The following COL23A1 variants were observed in gnomAD, a reference collection of about 807,000 sequenced individuals.
The protein encoded by COL23A1 is collagen alpha-1(XXIII) chain.
A neutral mutation model predicts 99.3 loss-of-function variants in COL23A1; 97 were observed. The observed-to-expected ratio is 0.98, with a 90% CI of 0.83 to 1.16. The LOEUF is 1.16. Among genes scored for constraint, COL23A1 ranks in the 50% most tolerant of loss-of-function variants. COL23A1 has a pLI of 0.00. For synonymous variants in COL23A1, 320 were observed against 308.2 expected, an observed-to-expected ratio of 1.04 and a Z score of -0.40; for missense variants, 762 against 757.4, an observed-to-expected ratio of 1.01 and a Z score of -0.07.
intron 2 of COL23A1, among the ~76,000 whole-genome samples, chr5:178,518,406 G>T (rs1156911121): frequency 6.6e-6 from 1 of 150,874 alleles, no homozygotes; most frequent in Admixed American, 6.7e-5. Flanking sequence ...TCAATGAGCT[G>T]TTGGGCACAC....
At chr5:178,527,844 T>G (rs1308331225) in intron 2 of COL23A1, among the ~76,000 whole-genome samples, 2 of 152,214 alleles carry the variant, frequency 1.3e-5, no homozygotes, top group Admixed American at 1.3e-4. Flanking sequence ...AGCGTCTTGT[T>G]CCTCAGATAC....
intron 2 of COL23A1, among the ~76,000 whole-genome samples, chr5:178,333,833 C>T (rs1367638060): frequency 2.0e-5 from 3 of 152,238 alleles, no homozygotes; most frequent in African/African-American, 4.8e-5. Flanking sequence ...GAACGCAGCA[C>T]GGGGAAGGCT....
At chr5:178,587,379 A>G (rs1171407512) in intron 1 of COL23A1, among the ~76,000 whole-genome samples, 1 of 152,216 alleles carries the variant, frequency 6.6e-6, no homozygotes, top group African/African-American at 2.4e-5. Context: ...AGCCGGTCCC[A>G]GAAAAAGTTA....
At chr5:178,431,397 C>T (rs1398504995) in intron 2 of COL23A1, among the ~76,000 whole-genome samples, 5 of 152,216 alleles carry the variant, frequency 3.3e-5, no homozygotes, top group Admixed American at 6.5e-5. Context: ...TAGTGGCTCC[C>T]CACAGATAGC....
At position 178,544,894 on chromosome 5, in the gene COL23A1, C is replaced by G. The variant is rs1012693797; in HGVS notation, c.361+15788G>C. Among the ~76,000 whole-genome samples the G allele has an allele frequency of 3.9e-5, 6 of 152,084 alleles. No individual in the cohort carries two copies. The highest frequency in any genetic ancestry group is 1.4e-4 in the African/African-American group (6 of 41,410). ...AGGCCAGGCTGAGCAACACAGCAAA[C>G]CCCGTCTCTAGAACAACAACAACAA... On this transcript the variant is annotated intron_variant, in intron 2 of 28. Coordinates refer to ENST00000390654, the MANE Select transcript of COL23A1 (RefSeq NM_173465.4). This position sits in a 1 kb window ranked among gnomAD's most constrained non-coding sequence, Gnocchi z 4.4.
chr5:178,559,082 G>A (rs566653580), intron 2 of COL23A1, among the ~76,000 whole-genome samples: 2 of 152,314 alleles, frequency 1.3e-5, no homozygotes, highest in African/African-American at 2.4e-5. Flanking sequence ...GGGCCACCGC[G>A]CCCGGCCACA....
At chr5:178,404,128 C>T (rs934604297) in intron 2 of COL23A1, among the ~76,000 whole-genome samples, 36 of 152,344 alleles carry the variant, frequency 2.4e-4, no homozygotes, top group South Asian at 1.7e-3. Context: ...AACCGGAAGA[C>T]GGCAGCCATT....
chr5:178,471,927 A>G (rs1272436499), intron 2 of COL23A1, among the ~76,000 whole-genome samples: 1 of 152,072 alleles, frequency 6.6e-6, no homozygotes, highest in East Asian at 1.9e-4. Context: ...GTGCTGTCGA[A>G]TCGTCAGTAA....
intron 2 of COL23A1, among the ~76,000 whole-genome samples, chr5:178,552,709 A>G (rs1311945315): frequency 1.8e-5 from 1 of 54,428 alleles, no homozygotes; most frequent in South Asian, 6.2e-4. Context: ...AAAAAATTAA[A>G]AAAAAAAAAA....
intron 2 of COL23A1, among the ~76,000 whole-genome samples, chr5:178,327,654 A>T (rs1759766519): frequency 6.6e-6 from 1 of 152,128 alleles, no homozygotes; most frequent in Non-Finnish European, 1.5e-5. Flanking sequence ...AGCAGAGCCC[A>T]CGTGCTGGAG....
chr5:178,247,117 A>G (rs1327156848), intron 22 of COL23A1, among the ~76,000 whole-genome samples: 1 of 151,194 alleles, frequency 6.6e-6, no homozygotes, highest in Non-Finnish European at 1.5e-5. Context: ...AATATACACC[A>G]AGCCCAAGAC....
intron 2 of COL23A1, among the ~76,000 whole-genome samples, chr5:178,372,711 C>A (rs1329279060): frequency 1.3e-5 from 2 of 151,552 alleles, no homozygotes; most frequent in Non-Finnish European, 2.9e-5. Context: ...TAGCTGGGAC[C>A]ACAGGCACCC....
Position 178,423,683 on chromosome 5 carries a change from A to G in COL23A1, c.362-116764T>C, listed in dbSNP as rs189900337. ...CTGGCACGTCCCCTCTCCTTGTTTG[A>G]TCCTACTCTAGCACGGCAGTCCTGT... On this transcript the variant is annotated intron_variant, in intron 2 of 28. Coordinates refer to ENST00000390654, the MANE Select transcript of COL23A1 (RefSeq NM_173465.4). Among the ~76,000 whole-genome samples the G allele has an allele frequency of 3.1e-3, 475 of 152,066 alleles. 4 individuals carry two copies. The highest frequency in any genetic ancestry group is 0.011 in the African/African-American group (465 of 41,462).
chr5:178,292,061 C>T (rs1757488075), intron 3 of COL23A1, among the ~76,000 whole-genome samples: 1 of 152,188 alleles, frequency 6.6e-6, no homozygotes, highest in African/African-American at 2.4e-5. Context: ...CAGTTGTATA[C>T]ATCTGTGCCT....
intron 2 of COL23A1, among the ~76,000 whole-genome samples, chr5:178,445,027 C>T (rs957315408): frequency 6.6e-6 from 1 of 152,072 alleles, no homozygotes; most frequent in African/African-American, 2.4e-5. Context: ...AAAAACATTG[C>T]CTGGCTAGTG....
At chr5:178,408,991 C>A (rs1184213564) in intron 2 of COL23A1, among the ~76,000 whole-genome samples, 1 of 144,600 alleles carries the variant, frequency 6.9e-6, no homozygotes, top group African/African-American at 2.6e-5. Flanking sequence ...CACACACACA[C>A]ACACACACAC....
chr5:178,555,969 A>C (rs1762249391), intron 2 of COL23A1, among the ~76,000 whole-genome samples: 1 of 152,106 alleles, frequency 6.6e-6, no homozygotes, highest in African/African-American at 2.4e-5. Flanking sequence ...CAATACCCTC[A>C]GGCCTGCAGC....
At chr5:178,399,624 A>G (rs1404178156) in intron 2 of COL23A1, among the ~76,000 whole-genome samples, 1 of 152,220 alleles carries the variant, frequency 6.6e-6, no homozygotes, top group African/African-American at 2.4e-5. Flanking sequence ...CTGTTTACCC[A>G]GTTTTAAAAC....
At chr5:178,572,839 C>T (rs80351016) in intron 1 of COL23A1, among the ~76,000 whole-genome samples, 4,106 of 152,252 alleles carry the variant, frequency 0.027, 85 homozygotes, top group Middle Eastern at 0.17. Flanking sequence ...AAGTAATACT[C>T]GGTAATGAAA....
Sources: gnomAD v4.1 joint callset for allele counts (sites outside exome capture counted in the v4.1 genomes callset) on GRCh38, gnomAD v4.1.1 for gene constraint, Gnocchi (gnomAD v3.1) non-coding constraint, MANE v1.5 for transcripts, NCBI Gene and HGNC (gene_info 2026-07-23, HGNC 2026-07-21) for gene names.